Variants in HSD17B3 observed in about 807,000 individuals in gnomAD.
HSD17B3 encodes the protein 17-beta-hydroxysteroid dehydrogenase type 3.
HSD17B3 carries 29 observed loss-of-function variants against 41.1 expected under a neutral mutation model. The ratio of observed to expected loss-of-function variants is 0.71; its 90% CI spans 0.53 to 0.96. The LOEUF is 0.96. Ranked by LOEUF, HSD17B3 falls within the 40% of genes least tolerant of loss-of-function variation. The probability of loss-of-function intolerance (pLI) is 0.00; values close to 1 mark genes in which losing one functional copy is unlikely to be tolerated. For missense variants in HSD17B3, 323 were observed against 374.6 expected (o/e 0.86, Z 1.14); for synonymous variants, 126 against 145.6 (o/e 0.87, Z 0.97).
chr9:96,267,475 G>GA (rs1217247227), intron 2 of HSD17B3, among the ~76,000 whole-genome samples: 7 of 151,212 alleles, frequency 4.6e-5, no homozygotes, highest in Non-Finnish European at 1.0e-4. Context: ...TTTAAAAGAA[G>GA]AAAAAAATAC....
intron 2 of HSD17B3, among the ~76,000 whole-genome samples, chr9:96,284,235 A>G (rs928178191): frequency 6.6e-6 from 1 of 151,226 alleles, no homozygotes; most frequent in Admixed American, 6.6e-5. Context: ...AAAAAAAAAA[A>G]AAAAAGACTA....
At chr9:96,289,471 C>T (rs76540777) in intron 2 of HSD17B3, among the ~76,000 whole-genome samples, 1 of 152,136 alleles carries the variant, frequency 6.6e-6, no homozygotes, top group African/African-American at 2.4e-5. Flanking sequence ...AAATTCCCTA[C>T]CCCCACCTCT....
chr9:96,239,656 G>C (rs1836357160), intron 10 of HSD17B3: 3 of 152,254 alleles, frequency 2.0e-5, no homozygotes, highest in African/African-American at 7.2e-5. Context: ...ATGAAAGACA[G>C]AGAGAGATCC....
chr9:96,298,410 GC>G lies in HSD17B3; in HGVS notation c.201+5del. 1 of 1,611,624 alleles carries G rather than the reference GC, an allele frequency of 6.2e-7. No individual in the cohort carries two copies. Among genetic ancestry groups the G allele is most frequent in the Non-Finnish European group, 8.5e-7 (1 of 1,177,728 alleles). On this transcript the variant is annotated splice_donor_5th_base_variant and intron_variant, in intron 2 of 10. Transcript: ENST00000375263. ...GGAGGAGAAAGTCCCCAGGAAGATA[GC>G]TTACCTCGAACGAGTACGCTTTCCC...
intron 2 of HSD17B3, among the ~76,000 whole-genome samples, chr9:96,294,666 G>A (rs1490792467): frequency 2.6e-5 from 4 of 152,194 alleles, no homozygotes; most frequent in Admixed American, 2.0e-4. Context: ...GACATATTAG[G>A]TCTTTCCAAA....
intron 9 of HSD17B3, 91 bp from the exon 10 acceptor site, chr9:96,240,998 T>G: frequency 1.4e-6 from 2 of 1,456,664 alleles, no homozygotes; most frequent in Non-Finnish European, 1.9e-6. Context: ...TCCCACCATT[T>G]CCCGACCCTT....
chr9:96,267,305 T>C (rs994877834), intron 2 of HSD17B3, among the ~76,000 whole-genome samples: 2 of 151,802 alleles, frequency 1.3e-5, no homozygotes, highest in African/African-American at 4.8e-5. Context: ...TACAGACACA[T>C]GCCACCACGG....
At chr9:96,281,185 T>C (rs1000331298) in intron 2 of HSD17B3, among the ~76,000 whole-genome samples, 7 of 152,178 alleles carry the variant, frequency 4.6e-5, no homozygotes, top group African/African-American at 1.7e-4. Context: ...AAAGGGATTA[T>C]AGTGTGAAAA....
intron 2 of HSD17B3, among the ~76,000 whole-genome samples, chr9:96,269,516 G>C (rs527573716): frequency 6.6e-6 from 1 of 152,252 alleles, no homozygotes; most frequent in Admixed American, 6.5e-5. Flanking sequence ...AATACTATAT[G>C]TACTGAAGAT....
At chr9:96,288,617 C>T (rs917293281) in intron 2 of HSD17B3, among the ~76,000 whole-genome samples, 5 of 151,930 alleles carry the variant, frequency 3.3e-5, no homozygotes, top group African/African-American at 4.8e-5. Flanking sequence ...ACCCCCACCA[C>T]CACCACCATC....
At chr9:96,294,193 T>C (rs1402912436) in intron 2 of HSD17B3, among the ~76,000 whole-genome samples, 1 of 152,026 alleles carries the variant, frequency 6.6e-6, no homozygotes. Context: ...GGCAAGAGGA[T>C]TGCTTAAGCT....
chr9:96,240,622 C>T, intron 10 of HSD17B3, 136 bp downstream of exon 10: 1 of 922,022 alleles, frequency 1.1e-6, no homozygotes, highest in Admixed American at 1.8e-5. Flanking sequence ...TCCACCTCGC[C>T]ACATAGTCCT....
intron 2 of HSD17B3, among the ~76,000 whole-genome samples, chr9:96,259,697 G>A (rs1031810540): frequency 7.3e-5 from 11 of 150,224 alleles, no homozygotes; most frequent in Non-Finnish European, 1.5e-4. Flanking sequence ...CTCCAGCCTG[G>A]GCGACAGAAC....
At chr9:96,286,196 T>C (rs1179078144) in intron 2 of HSD17B3, among the ~76,000 whole-genome samples, 1 of 152,058 alleles carries the variant, frequency 6.6e-6, no homozygotes, top group East Asian at 1.9e-4. Context: ...CTACAAAAAT[T>C]AGCCAGGTGT....
In HSD17B3 at chr9:96,268,981, A is replaced by T. The variant is rs533297411; in HGVS notation, c.202-14038T>A. On this transcript the variant is annotated intron_variant, in intron 2 of 10. Coordinates refer to ENST00000375263, the MANE Select transcript of HSD17B3 (RefSeq NM_000197.2). ...AAAAAAAAACTTTGGAAAAGTTGGC[A>T]TTACATCATTACATATGTCACTTAA... 2.1e-3 allele frequency among the ~76,000 whole-genome samples: 321 copies of T among 152,234 alleles called. 1 individual carries two copies. The highest frequency in any genetic ancestry group is 4.9e-3 in the Admixed American group (75 of 15,290).
chr9:96,252,972 G>T (rs902254406), intron 3 of HSD17B3, 62 bp from the exon 4 acceptor site: 5 of 988,418 alleles, frequency 5.1e-6, no homozygotes, highest in African/African-American at 4.8e-5. Flanking sequence ...CGCCCATGAA[G>T]TTTCCCCCAG....
intron 2 of HSD17B3, among the ~76,000 whole-genome samples, chr9:96,275,332 A>G (rs1447944044): frequency 6.6e-6 from 1 of 152,178 alleles, no homozygotes; most frequent in Non-Finnish European, 1.5e-5. Flanking sequence ...ATATAAAATA[A>G]TATAATAGTT....
intron 2 of HSD17B3, among the ~76,000 whole-genome samples, chr9:96,290,025 C>T (rs1227092637): frequency 1.3e-5 from 2 of 152,046 alleles, no homozygotes; most frequent in Non-Finnish European, 2.9e-5. Flanking sequence ...AACAGGGCTT[C>T]CTCTGTGTGG....
At chr9:96,240,205 G>A (rs770401758) in intron 10 of HSD17B3, among the ~76,000 whole-genome samples, 5 of 152,102 alleles carry the variant, frequency 3.3e-5, no homozygotes, top group African/African-American at 7.2e-5. Flanking sequence ...AAACCTGCAC[G>A]TTTTGCACAT....
Sources: allele counts gnomAD v4.1 joint callset (sites outside exome capture counted in the v4.1 genomes callset), GRCh38; gene constraint gnomAD v4.1.1; transcripts MANE v1.5; gene names NCBI Gene and HGNC (gene_info 2026-07-23, HGNC 2026-07-21).